Variants in UNC13B observed in about 807,000 individuals in gnomAD.
UNC13B encodes protein unc-13 homolog B.
In UNC13B, 144 loss-of-function variants were observed where a neutral mutation model predicts 211.0. The ratio of observed to expected loss-of-function variants is 0.68; its 90% confidence interval spans 0.60 to 0.78. The LOEUF is 0.78. UNC13B is among the 30% of genes least tolerant of loss of function. The pLI is 0.00. For synonymous variants in UNC13B, 709 were observed against 725.8 expected, an observed-to-expected ratio of 0.98 and a Z score of 0.37; for missense variants, 1,777 against 2,002.0, an observed-to-expected ratio of 0.89 and a Z score of 2.14.
At chr9:35,192,878 C>G (rs1822733037) in intron 1 of UNC13B, among the ~76,000 whole-genome samples, 1 of 152,166 alleles carries the variant, frequency 6.6e-6, no homozygotes, top group Admixed American at 6.5e-5. Context: ...AAAGGCATCT[C>G]TTTTTTCACC....
In UNC13B at chr9:35,306,493, C is replaced by T; in HGVS notation, c.7089C>T (p.Asn2363=). Residue 2363 remains asparagine (N), a synonymous_variant, in exon 9 of 40, where the codon AAC becomes AAT. Transcript: ENST00000635942. ...GIAPHEEEAF[N]HKAFPSDSLS... is the part of the protein sequence containing the mutation. The stretch of plus-strand genomic sequence containing the variant: ...CTCCCCATGAAGAAGAGGCTTTCAA[C>T]CACAAAGCCTTCCCCAGTGACTCAC... The T allele has an allele frequency of 2.5e-6, 1 of 399,052 alleles. No individual in the cohort carries two copies. The highest frequency in any genetic ancestry group is 3.6e-5 in the East Asian group (1 of 28,070). The allele number at this position is 399,052 out of a possible 1,614,324, so 24.7% of individuals were successfully genotyped here.
At chr9:35,340,324 T>C (rs1305826814) in intron 11 of UNC13B, among the ~76,000 whole-genome samples, 1 of 152,190 alleles carries the variant, frequency 6.6e-6, no homozygotes, top group Non-Finnish European at 1.5e-5. Context: ...TCTCTTGGAA[T>C]CTAAATTTTC....
At chr9:35,252,175 T>C (rs1826533103) in intron 6 of UNC13B, among the ~76,000 whole-genome samples, 1 of 152,196 alleles carries the variant, frequency 6.6e-6, no homozygotes, top group East Asian at 1.9e-4. Flanking sequence ...TTCATTTTTG[T>C]GATAGAGGTG....
rs141180426 is a variant in UNC13B at position 35,327,108 on chromosome 9, G to A, written c.9414+13119G>A. On this transcript the variant is annotated intron_variant, in intron 11 of 39. Coordinates refer to ENST00000635942, the MANE Select transcript of UNC13B (RefSeq NM_001371189.2). ...CTTCTCTTTCTCTTGCCTATCTCTGGGGAAATTGGCCACAGCAGCCAAGCC... is the reference window on the plus strand; with the variant it reads ...CTTCTCTTTCTCTTGCCTATCTCTGAGGAAATTGGCCACAGCAGCCAAGCC... 2.3e-3 allele frequency among the ~76,000 whole-genome samples: 355 copies of A among 152,140 alleles called. 2 individuals carry two copies. The highest frequency in any genetic ancestry group is 8.1e-3 in the African/African-American group (337 of 41,488).
intron 1 of UNC13B, among the ~76,000 whole-genome samples, chr9:35,168,150 T>C (rs1305084021): frequency 6.6e-6 from 1 of 152,114 alleles, no homozygotes; most frequent in African/African-American, 2.4e-5. Flanking sequence ...ACTTCTGGAC[T>C]CAAGTGATCT....
chr9:35,262,310 CTCTTTTT>C (rs1011010443), intron 7 of UNC13B, among the ~76,000 whole-genome samples: 4 of 146,808 alleles, frequency 2.7e-5, no homozygotes, highest in African/African-American at 5.0e-5. Context: ...TTTCACTTTT[CTCTTTTT>C]TCTTTCTTTC....
At chr9:35,315,431 A>G (rs1029364417) in intron 11 of UNC13B, among the ~76,000 whole-genome samples, 1 of 152,190 alleles carries the variant, frequency 6.6e-6, no homozygotes, top group African/African-American at 2.4e-5. Flanking sequence ...AAGAACTACT[A>G]TGTCTCCTCA....
chr9:35,318,324 T>A, intron 11 of UNC13B, among the ~76,000 whole-genome samples: 1 of 152,202 alleles, frequency 6.6e-6, no homozygotes, highest in Non-Finnish European at 1.5e-5. Flanking sequence ...TGAGATTTAG[T>A]AACATATTGG....
intron 7 of UNC13B, among the ~76,000 whole-genome samples, chr9:35,264,272 G>A (rs970461924): frequency 1.3e-5 from 2 of 152,130 alleles, no homozygotes; most frequent in African/African-American, 2.4e-5. Flanking sequence ...GTTGGTATGA[G>A]TGTAGATATT....
chr9:35,363,404 G>C (rs1425851410), intron 11 of UNC13B, among the ~76,000 whole-genome samples: 6 of 152,142 alleles, frequency 3.9e-5, no homozygotes, highest in Middle Eastern at 3.2e-3. Context: ...CATTATCCTG[G>C]GGGGGTTGAG....
In UNC13B at chr9:35,243,232, T is replaced by C. The variant is rs1323498243; in HGVS notation, c.395-59T>C. On this transcript the variant is annotated intron_variant, in intron 5 of 39. Coordinates refer to ENST00000635942, the MANE Select transcript of UNC13B (RefSeq NM_001371189.2). ...TTAGACAGAGTAAAGTGTTATCTGC[T>C]GATGATTTATTACCTGCTGATGTGA... 3 of 1,536,636 alleles carry C rather than the reference T, an allele frequency of 2.0e-6. No homozygotes were observed. In the Admixed American group the frequency reaches 5.0e-5, roughly 26 times the overall value.
At chr9:35,328,486 A>C (rs1357919187) in intron 11 of UNC13B, among the ~76,000 whole-genome samples, 1 of 152,150 alleles carries the variant, frequency 6.6e-6, no homozygotes, top group Non-Finnish European at 1.5e-5. Context: ...AGACTGGTCT[A>C]GTTCTCATTC....
rs1320293760 is a variant in UNC13B at position 35,300,537 on chromosome 9, C to T, written c.1133C>T (p.Ser378Phe). The T allele has an allele frequency of 2.5e-6, 1 of 398,906 alleles. No homozygotes were observed. The highest frequency in any genetic ancestry group is 4.4e-6 in the Non-Finnish European group (1 of 226,040). 24.7% of individuals were successfully genotyped at this position (398,906 alleles called of 1,614,324 possible). A position where few individuals can be genotyped will look rare whatever the true frequency, so the allele number is the denominator to read the frequency against. ...CTTGAAGATTCTACTAGTAGTACTT[C>T]TGATGAACTTCTGGGTTCCCCCATT... ...DILEDSTSST[S>F]DELLGSPISD... Residue 378 changes from serine to phenylalanine, a missense_variant, in exon 9 of 40, where the codon TCT (serine) becomes TTT (phenylalanine). Ser to Phe is a radical substitution (Grantham distance 155). Coordinates refer to ENST00000635942, the MANE Select transcript of UNC13B (RefSeq NM_001371189.2).
At chr9:35,289,004 G>GTT (rs5897598) in intron 7 of UNC13B, among the ~76,000 whole-genome samples, 1 of 149,202 alleles carries the variant, frequency 6.7e-6, no homozygotes, top group Non-Finnish European at 1.5e-5. Context: ...CTACAGGAGG[G>GTT]TTTTTTTTTT....
Position 35,341,488 on chromosome 9 carries a change from T to C in UNC13B, c.9415-25459T>C, listed in dbSNP as rs1206288747. 3.3e-5 allele frequency among the ~76,000 whole-genome samples: 5 copies of C among 152,272 alleles called. No homozygotes were observed. In the East Asian group the frequency reaches 9.7e-4, roughly 29 times the overall value. On this transcript the variant is annotated intron_variant, in intron 11 of 39. Coordinates refer to ENST00000635942, the MANE Select transcript of UNC13B (RefSeq NM_001371189.2). The stretch of plus-strand genomic sequence containing the variant: ...TCTCAGTAGAAGGGAAGACTCCCTT[T>C]GTATTGTGCTCCAGCAGTTCCACGG...
intron 37 of UNC13B, among the ~76,000 whole-genome samples, chr9:35,402,662 G>A (rs1216183651): frequency 6.6e-6 from 1 of 152,070 alleles, no homozygotes; most frequent in African/African-American, 2.4e-5. Flanking sequence ...GAACTGGGGA[G>A]TTCATTCTAT....
chr9:35,384,090 CTGTT>C (rs1449216075), intron 21 of UNC13B, among the ~76,000 whole-genome samples, 152 bp from the exon 22 acceptor site: 19 of 152,156 alleles, frequency 1.2e-4, no homozygotes, highest in Non-Finnish European at 2.2e-4. Flanking sequence ...TTCCGTTACA[CTGTT>C]TGTTGTTCTT....
rs1443284457 is a variant in UNC13B, at chr9:35,301,456, C to G, written c.2052C>G (p.Ser684Arg). Residue 684 changes from serine (S) to arginine (R), a missense_variant, in exon 9 of 40, where the codon AGC becomes AGG. Coordinates refer to ENST00000635942, the MANE Select transcript of UNC13B (RefSeq NM_001371189.2). ...DDQSKPPRKESFVECGLELNK... is the reference protein window; with the variant it reads ...DDQSKPPRKERFVECGLELNK... The stretch of plus-strand genomic sequence containing the variant: ...AGAGTAAGCCACCAAGAAAAGAAAG[C>G]TTTGTTGAGTGTGGTTTGGAGTTAA... The G allele has an allele frequency of 5.0e-6, 2 of 398,552 alleles. No individual in the cohort carries two copies. Among genetic ancestry groups the G allele is most frequent in the East Asian group, 7.1e-5 (2 of 28,070 alleles). The allele number at this position is 398,552 out of a possible 1,614,324, so 24.7% of individuals were successfully genotyped here.
intron 38 of UNC13B, 44 bp downstream of exon 38, chr9:35,403,303 C>A: frequency 6.2e-7 from 1 of 1,607,246 alleles, no homozygotes; most frequent in Non-Finnish European, 8.5e-7. Context: ...TGCCCAGTGG[C>A]CTCACTCATC....
Sources: allele counts gnomAD v4.1 joint callset (sites outside exome capture counted in the v4.1 genomes callset), GRCh38; gene constraint gnomAD v4.1.1; transcripts MANE v1.5; gene names NCBI Gene and HGNC (gene_info 2026-07-23, HGNC 2026-07-21).